Variants in ELK1 observed in about 807,000 individuals in gnomAD.
The protein encoded by ELK1 is ETS domain-containing protein Elk-1.
For missense variants in ELK1, 254 were observed against 381.5 expected (o/e 0.67, Z 2.78); for synonymous variants, 163 against 176.3 (o/e 0.92, Z 0.60).
intron 5 of ELK1, 85 bp downstream of exon 5, chrX:47,637,663 CCCT>C: frequency 9.5e-7 from 1 of 1,049,609 alleles, no homozygotes; most frequent in Non-Finnish European, 1.3e-6. Context: ...ACCACACTCA[CCCT>C]CCTCTGATTC....
At chrX:47,646,534 G>A (rs754395620) in intron 2 of ELK1, among the ~76,000 whole-genome samples, 1 of 112,355 alleles carries the variant, frequency 8.9e-6, no homozygotes, top group East Asian at 2.8e-4. Context: ...CCTCCATAGA[G>A]CATATTACAT....
At position 47,638,053 on chromosome X, in the gene ELK1, C is replaced by T; in HGVS notation, c.784G>A (p.Glu262Lys). Reference protein sequence around the residue: ...GPKEELEVAGERGFVPETTKA... With the variant: ...GPKEELEVAGKRGFVPETTKA... ...GTGGTTTCTGGCACAAACCCTCTCT[C>T]CCCCGCAACTTCCAACTCTTCCTTG... Residue 262 changes from glutamate (E) to lysine (K), a missense_variant, in exon 5 of 7, where the codon GAG becomes AAG. By Grantham distance (56) the Glu-to-Lys change is moderately conservative. Coordinates refer to ENST00000376983, the MANE Select transcript of ELK1 (RefSeq NM_001114123.3). 1 of 1,211,630 alleles carries T rather than the reference C, an allele frequency of 8.3e-7. No homozygotes were observed. The highest frequency in any genetic ancestry group is 1.1e-6 in the Non-Finnish European group (1 of 895,469).
intron 2 of ELK1, among the ~76,000 whole-genome samples, chrX:47,643,673 G>C (rs2058035026): frequency 9.1e-6 from 1 of 110,019 alleles, no homozygotes; most frequent in South Asian, 3.8e-4. Context: ...CTGGCCCCAG[G>C]GGTTTTGGGT....
chrX:47,638,615 T>C (rs1183039105), intron 4 of ELK1, among the ~76,000 whole-genome samples: 4 of 112,106 alleles, frequency 3.6e-5, no homozygotes, highest in Non-Finnish European at 7.5e-5. Context: ...CAGGTGATTC[T>C]GATGAGCACT....
At chrX:47,643,819 C>T (rs1444062820) in intron 2 of ELK1, among the ~76,000 whole-genome samples, 1 of 111,245 alleles carries the variant, frequency 9.0e-6, no homozygotes, top group Non-Finnish European at 1.9e-5. Flanking sequence ...CAAATGTCTA[C>T]GTACCTTCCA....
intron 4 of ELK1, 151 bp from the exon 5 acceptor site, chrX:47,638,333 G>A (rs2058016920): frequency 1.4e-6 from 1 of 739,524 alleles, no homozygotes; most frequent in African/African-American, 2.1e-5. Context: ...CAGGACATAG[G>A]ACTTCGTCAA....
rs576715737 is a variant in ELK1, at chrX:47,639,123, T to C, written c.426A>G (p.Pro142=). ...GTPKGAGMAG[P]GGLARSSRNE... ...TCCGGCTGCTGCGTGCCAAACCGCC[T>C]GGGCCTGCCATTCCTGCACCCTTGG... is the stretch of plus-strand genomic sequence containing the variant. The change falls in exon 4 of 7, where the codon CCA becomes CCG. Residue 142 remains proline, a synonymous_variant. Transcript: ENST00000376983. 6 of 1,203,064 alleles carry C rather than the reference T, an allele frequency of 5.0e-6. No homozygotes were observed. In the South Asian group the frequency reaches 5.4e-5, roughly 11 times the overall value.
intron 3 of ELK1, 145 bp downstream of exon 3, chrX:47,641,087 C>G: frequency 1.5e-6 from 1 of 677,134 alleles, no homozygotes; most frequent in South Asian, 2.7e-5. Context: ...GGGCCCAATA[C>G]TGGTCTTAGG....
intron 2 of ELK1, among the ~76,000 whole-genome samples, chrX:47,642,592 T>A (rs1037834337): frequency 5.5e-5 from 6 of 109,967 alleles, no homozygotes; most frequent in African/African-American, 2.0e-4. Flanking sequence ...CTCGTTCTTT[T>A]TTTTTTTTTC....
At chrX:47,637,601 C>G (rs995996643) in intron 5 of ELK1, 150 bp downstream of exon 5, 2 of 750,865 alleles carry the variant, frequency 2.7e-6, no homozygotes, top group African/African-American at 4.3e-5. Context: ...ATCCCTCCAG[C>G]CAGCATCAGC....
rs1179454354 is a variant in ELK1, at chrX:47,638,267, G to A, written c.655-85C>T. 5 of 1,095,173 alleles carry A rather than the reference G, an allele frequency of 4.6e-6. No individual in the cohort carries two copies. In the African/African-American group the frequency reaches 7.3e-5, roughly 16 times the overall value. The allele number at this position is 1,095,173 out of a possible 1,213,427, so 90.3% of individuals were successfully genotyped here. A position where few individuals can be genotyped will look rare whatever the true frequency, so the allele number is the denominator to read the frequency against. ...CTGTGGGCCACCCAGTGATTTCCCC[G>A]GGAAGGTGGCACTTGGTACTCAGGG... On this transcript the variant is annotated intron_variant, in intron 4 of 6. Coordinates refer to ENST00000376983, the MANE Select transcript of ELK1 (RefSeq NM_001114123.3).
At chrX:47,641,585 C>G (rs1399037991) in intron 2 of ELK1, 110 bp from the exon 3 acceptor site, 1 of 586,198 alleles carries the variant, frequency 1.7e-6, no homozygotes, top group African/African-American at 2.3e-5. Context: ...TCTTCAAACC[C>G]TACCATCATT....
chrX:47,638,162 C>A lies in ELK1; in HGVS notation c.675G>T (p.Glu225Asp). 1 of 1,208,887 alleles carries A rather than the reference C, an allele frequency of 8.3e-7. No individual in the cohort carries two copies. The highest frequency in any genetic ancestry group is 1.1e-6 in the Non-Finnish European group (1 of 894,246). The change falls in exon 5 of 7, where the codon GAG (glutamate) becomes GAT (aspartate). Residue 225 changes from glutamate (E) to aspartate (D), a missense_variant. Transcript: ENST00000376983. Reference protein sequence around the residue: ...LPLQVILTPPEAPNLKSEELN... With the variant: ...LPLQVILTPPDAPNLKSEELN... ...GCTCTTCCGATTTCAGGTTTGGGGC[C>A]TCGGGCGGGGTCAGGATGACCTGGT...
At chrX:47,643,983 G>A (rs556260400) in intron 2 of ELK1, among the ~76,000 whole-genome samples, 1 of 111,564 alleles carries the variant, frequency 9.0e-6, no homozygotes, top group African/African-American at 3.3e-5. Flanking sequence ...CCCCATTACT[G>A]CTTTCTTTCC....
At chrX:47,642,354 A>G (rs1163479797) in intron 2 of ELK1, among the ~76,000 whole-genome samples, 9 of 111,703 alleles carry the variant, frequency 8.1e-5, no homozygotes, top group African/African-American at 2.6e-4. Context: ...CATCCTCCTC[A>G]TTTGAATATT....
intron 2 of ELK1, among the ~76,000 whole-genome samples, chrX:47,648,406 A>C (rs949197489): frequency 2.7e-5 from 3 of 112,869 alleles, no homozygotes; most frequent in Non-Finnish European, 5.6e-5. Flanking sequence ...TTGTGAACAC[A>C]TCCTTTTGAA....
chrX:47,641,584 C>T (rs981282419), intron 2 of ELK1, 109 bp from the exon 3 acceptor site: 4 of 591,837 alleles, frequency 6.8e-6, no homozygotes, highest in Non-Finnish European at 1.1e-5. Flanking sequence ...GTCTTCAAAC[C>T]CTACCATCAT....
At chrX:47,638,669 A>C (rs771866473) in intron 4 of ELK1, among the ~76,000 whole-genome samples, 4 of 111,857 alleles carry the variant, frequency 3.6e-5, no homozygotes, top group Non-Finnish European at 5.7e-5. Context: ...AGGCACCTAC[A>C]TGTTCGGCAG....
intron 2 of ELK1, among the ~76,000 whole-genome samples, chrX:47,643,609 T>C (rs2058034879): frequency 8.9e-6 from 1 of 111,909 alleles, no homozygotes; most frequent in Admixed American, 9.5e-5. Context: ...TAACATCGTA[T>C]ATGCATCATG....
Sources: gnomAD v4.1 joint callset for allele counts (sites outside exome capture counted in the v4.1 genomes callset) on GRCh38, gnomAD v4.1.1 for gene constraint, MANE v1.5 for transcripts, NCBI Gene and HGNC (gene_info 2026-07-23, HGNC 2026-07-21) for gene names.